The following RCAN1 variants were observed in gnomAD, a reference collection of about 807,000 sequenced individuals.
RCAN1 encodes calcipressin-1.
In RCAN1, 11 loss-of-function variants were observed where a neutral mutation model predicts 22.9. The ratio of observed to expected loss-of-function variants is 0.48; its 90% CI spans 0.30 to 0.79. The LOEUF (loss-of-function observed/expected upper bound fraction) is 0.79. RCAN1 is among the 30% of genes least tolerant of loss of function. RCAN1 has a pLI of 0.06. For synonymous variants in RCAN1, 136 were observed against 142.3 expected (o/e 0.96, Z 0.32); for missense variants, 291 against 337.8 (o/e 0.86, Z 1.09).
At chr21:34,526,093 G>A (rs1195418978) in intron 1 of RCAN1, among the ~76,000 whole-genome samples, 1 of 152,126 alleles carries the variant, frequency 6.6e-6, no homozygotes, top group Non-Finnish European at 1.5e-5. Context: ...GAAGAAAAGT[G>A]TAGTGATTAA....
intron 1 of RCAN1, among the ~76,000 whole-genome samples, chr21:34,540,236 G>A (rs1265482610): frequency 1.3e-5 from 2 of 152,196 alleles, no homozygotes; most frequent in African/African-American, 4.8e-5. Context: ...AAATTCTGGA[G>A]ATCAGTCTGC....
At chr21:34,535,401 CTT>C (rs35170628) in intron 1 of RCAN1, among the ~76,000 whole-genome samples, 2 of 146,358 alleles carry the variant, frequency 1.4e-5, no homozygotes, top group Admixed American at 6.8e-5. Context: ...AACACATAAC[CTT>C]TTTTTTTTTT....
intron 1 of RCAN1, among the ~76,000 whole-genome samples, chr21:34,585,137 C>T (rs60528466): frequency 0.068 from 10,319 of 152,214 alleles, 443 homozygotes; most frequent in East Asian, 0.15. Context: ...TTCAACTTCA[C>T]TCTTTTAATG....
intron 1 of RCAN1, among the ~76,000 whole-genome samples, chr21:34,600,065 C>T (rs1988283564): frequency 6.6e-6 from 1 of 152,186 alleles, no homozygotes; most frequent in African/African-American, 2.4e-5. Flanking sequence ...CCAGATCACG[C>T]TATGCTAAAG....
intron 1 of RCAN1, among the ~76,000 whole-genome samples, chr21:34,590,256 C>T (rs1260097971): frequency 1.3e-5 from 2 of 152,212 alleles, no homozygotes; most frequent in Non-Finnish European, 2.9e-5. Context: ...GTGCTTAATT[C>T]CAGCAGCAAT....
intron 1 of RCAN1, among the ~76,000 whole-genome samples, chr21:34,539,153 T>G (rs1390997552): frequency 6.6e-6 from 1 of 152,206 alleles, no homozygotes; most frequent in Non-Finnish European, 1.5e-5. Context: ...CTCAACAATT[T>G]CACTCCTAGG....
At chr21:34,552,672 T>TA (rs3216562) in intron 1 of RCAN1, among the ~76,000 whole-genome samples, 21 of 148,260 alleles carry the variant, frequency 1.4e-4, no homozygotes, top group South Asian at 8.6e-4. Flanking sequence ...ATGTGCCTAT[T>TA]AAAAAAAAAA....
chr21:34,548,851 T>C (rs1986247745), intron 1 of RCAN1, among the ~76,000 whole-genome samples: 1 of 152,242 alleles, frequency 6.6e-6, no homozygotes, highest in African/African-American at 2.4e-5. Flanking sequence ...AGTTCTATTG[T>C]AAACAAAGCA....
At chr21:34,564,922 G>A (rs562778114) in intron 1 of RCAN1, among the ~76,000 whole-genome samples, 2 of 152,190 alleles carry the variant, frequency 1.3e-5, no homozygotes, top group Admixed American at 6.5e-5. Context: ...AAAGCTGACC[G>A]GGTGTGGTGG....
At chr21:34,554,213 C>G (rs7281201) in intron 1 of RCAN1, among the ~76,000 whole-genome samples, 13,297 of 152,204 alleles carry the variant, frequency 0.087, 780 homozygotes, top group Non-Finnish European at 0.12. Context: ...AGTTAGTAAT[C>G]AAGTATGTGT....
intron 1 of RCAN1, among the ~76,000 whole-genome samples, chr21:34,572,285 G>A (rs748955126): frequency 2.0e-5 from 3 of 152,116 alleles, no homozygotes; most frequent in Non-Finnish European, 4.4e-5. Flanking sequence ...TTTGGGTCCC[G>A]GACCCACTGC....
intron 1 of RCAN1, among the ~76,000 whole-genome samples, chr21:34,541,979 G>A (rs1283451771): frequency 6.6e-6 from 1 of 152,080 alleles, no homozygotes; most frequent in Non-Finnish European, 1.5e-5. Flanking sequence ...TGCTATTCAT[G>A]CAACACATTT....
intron 1 of RCAN1, among the ~76,000 whole-genome samples, chr21:34,579,089 G>A (rs950608601): frequency 3.9e-5 from 6 of 152,192 alleles, no homozygotes; most frequent in African/African-American, 1.4e-4. Flanking sequence ...CTGCTTGGAA[G>A]AGTTGTTAAA....
Position 34,518,694 on chromosome 21 carries a change from C to G in RCAN1, c.587-438G>C, listed in dbSNP as rs1286697029. Among the ~76,000 whole-genome samples, 1 of 152,186 alleles carries G rather than the reference C, an allele frequency of 6.6e-6. No homozygotes were observed. Among genetic ancestry groups the G allele is most frequent in the Non-Finnish European group, 1.5e-5 (1 of 68,042 alleles). On this transcript the variant is annotated intron_variant, in intron 3 of 3. Coordinates refer to ENST00000313806, the MANE Select transcript of RCAN1 (RefSeq NM_004414.7). The surrounding 1 kb of genome is among the most constrained non-coding windows in gnomAD (Gnocchi z 4.2). ...CCTCATGCAGCTCCTATTTGAGGGT[C>G]GCAGTGCACGCCCAGGAAGGGCGCC...
chr21:34,594,377 C>T (rs1019180309), intron 1 of RCAN1, among the ~76,000 whole-genome samples: 3 of 152,120 alleles, frequency 2.0e-5, no homozygotes, highest in African/African-American at 7.2e-5. Context: ...CATGGTGAAA[C>T]CCCACCTCTA....
At chr21:34,547,532 G>A (rs778867814) in intron 1 of RCAN1, among the ~76,000 whole-genome samples, 15 of 152,220 alleles carry the variant, frequency 9.9e-5, no homozygotes, top group Non-Finnish European at 1.9e-4. Context: ...CAGTGCAATG[G>A]TGCTATGGTT....
chr21:34,595,853 C>T (rs1046034256), intron 1 of RCAN1, among the ~76,000 whole-genome samples: 1 of 152,196 alleles, frequency 6.6e-6, no homozygotes. Context: ...AGCTGACCAC[C>T]CCCCGGCAGG....
chr21:34,537,637 T>C lies in RCAN1; in HGVS notation c.253-13927A>G, dbSNP rs574377443. The stretch of plus-strand genomic sequence containing the variant: ...CTGGCTGACCAGCCCCCAGGGCATT[T>C]CAATTTGTGGCTTAATTTGGTAATT... On this transcript the variant is annotated intron_variant, in intron 1 of 3. Coordinates refer to ENST00000313806, the MANE Select transcript of RCAN1 (RefSeq NM_004414.7). Among the ~76,000 whole-genome samples, 8 of 152,352 alleles carry C rather than the reference T, an allele frequency of 5.3e-5. No homozygotes were observed. In the East Asian group the frequency reaches 1.5e-3, roughly 29 times the overall value.
intron 1 of RCAN1, among the ~76,000 whole-genome samples, chr21:34,536,248 C>T (rs1000500361): frequency 2.0e-5 from 3 of 152,254 alleles, no homozygotes; most frequent in Non-Finnish European, 4.4e-5. Flanking sequence ...TTGGAGATTA[C>T]TGGGGCCAAA....
Sources: gnomAD v4.1 joint callset for allele counts (sites outside exome capture counted in the v4.1 genomes callset) on GRCh38, gnomAD v4.1.1 for gene constraint, Gnocchi (gnomAD v3.1) non-coding constraint, MANE v1.5 for transcripts, NCBI Gene and HGNC (gene_info 2026-07-23, HGNC 2026-07-21) for gene names.